The following ANTXR2 variants were observed in gnomAD, a reference collection of about 807,000 sequenced individuals.
ANTXR2 encodes ANTXR cell adhesion molecule 2, also known as anthrax toxin receptor 2.
Under a neutral mutation model 73.7 loss-of-function variants are expected in ANTXR2, and 44 were observed. The observed-to-expected ratio is 0.60, with a 90% CI of 0.47 to 0.77. The LOEUF is 0.77. Among genes scored for constraint, ANTXR2 ranks in the 30% least tolerant of loss-of-function variants. The pLI, the probability that ANTXR2 is intolerant of heterozygous loss-of-function variation, is 0.00. For synonymous variants in ANTXR2, 217 were observed against 205.9 expected, an observed-to-expected ratio of 1.05 and a Z score of -0.46; for missense variants, 604 against 592.5, an observed-to-expected ratio of 1.02 and a Z score of -0.20.
rs1317696862 is a variant in ANTXR2 at position 80,015,901 on chromosome 4, GAAAGGAAAGGAAAGGAAAGGAA to G, written c.945+2975_945+2996del. 5.2e-4 allele frequency among the ~76,000 whole-genome samples: 43 copies of G among 82,240 alleles called. 2 individuals carry two copies. Among genetic ancestry groups the G allele is most frequent in the Non-Finnish European group, 3.5e-4 (16 of 45,590 alleles). The allele number at this position is 82,240 out of a possible 152,430, so 54.0% of individuals were successfully genotyped here. On this transcript the variant is annotated intron_variant, in intron 11 of 16. Coordinates refer to ENST00000403729, the MANE Select transcript of ANTXR2 (RefSeq NM_058172.6). ...GAAAGGAAAGGAAAGGAAAGGAAAG[GAAAGGAAAGGAAAGGAAAGGAA>G]AAAGGAAAGGAAAGGAAAGGAAAGG...
At chr4:79,916,086 T>A (rs1489897758) in intron 16 of ANTXR2, among the ~76,000 whole-genome samples, 1 of 151,968 alleles carries the variant, frequency 6.6e-6, no homozygotes, top group African/African-American at 2.4e-5. Flanking sequence ...ATGTTTTTTA[T>A]TCAGTATCTT....
At chr4:80,064,951 A>G (rs1008274744) in intron 3 of ANTXR2, among the ~76,000 whole-genome samples, 1 of 152,202 alleles carries the variant, frequency 6.6e-6, no homozygotes, top group Non-Finnish European at 1.5e-5. Context: ...AGATTATTGT[A>G]GCCAATATAC....
At chr4:80,062,008 T>G (rs928044447) in intron 3 of ANTXR2, among the ~76,000 whole-genome samples, 1 of 152,196 alleles carries the variant, frequency 6.6e-6, no homozygotes, top group Non-Finnish European at 1.5e-5. Context: ...TGAAAGATTT[T>G]TTCTAAAGAC....
At position 79,978,171 on chromosome 4, in the gene ANTXR2, G is replaced by A. The variant is rs761958936; in HGVS notation, c.1183C>T (p.Arg395Cys). The A allele has an allele frequency of 2.2e-5, 35 of 1,613,422 alleles. No individual in the cohort carries two copies. The highest frequency in any genetic ancestry group is 2.7e-5 in the Non-Finnish European group (32 of 1,179,644). ...TCAGTAGATCCTTTATCACCCCAAC[G>A]AACCTGTAAAACAAAGGGAGAGTAC... The part of the protein sequence containing the change: ...GVGGIKRMEV[R>C]WGDKGSTEEG... The change falls in exon 15 of 17, where the codon CGT (arginine) becomes TGT (cysteine). Residue 395 changes from arginine to cysteine, a missense_variant. Coordinates refer to ENST00000403729, the MANE Select transcript of ANTXR2 (RefSeq NM_058172.6).
At chr4:80,040,779 CACAT>C (rs1459636773) in intron 7 of ANTXR2, among the ~76,000 whole-genome samples, 3 of 151,748 alleles carry the variant, frequency 2.0e-5, no homozygotes, top group Non-Finnish European at 2.9e-5. Flanking sequence ...CACACACACA[CACAT>C]ATTGGCAAAG....
At chr4:79,975,972 G>C (rs1419511256) in intron 16 of ANTXR2, among the ~76,000 whole-genome samples, 1 of 149,374 alleles carries the variant, frequency 6.7e-6, no homozygotes, top group Non-Finnish European at 1.5e-5. Context: ...GAGTGCAGTG[G>C]CAAGATCTCG....
chr4:79,922,739 C>T (rs1294285916), intron 16 of ANTXR2, among the ~76,000 whole-genome samples: 1 of 151,948 alleles, frequency 6.6e-6, no homozygotes, highest in African/African-American at 2.4e-5. Context: ...TTTAGGTCTA[C>T]CTACAAGTCA....
intron 3 of ANTXR2, among the ~76,000 whole-genome samples, chr4:80,065,156 C>G (rs1734437282): frequency 6.6e-6 from 1 of 152,174 alleles, no homozygotes; most frequent in South Asian, 2.1e-4. Context: ...ATGTTTTCAA[C>G]TAAATCTCTG....
At chr4:80,018,352 C>T (rs1731983042) in intron 11 of ANTXR2, among the ~76,000 whole-genome samples, 1 of 152,104 alleles carries the variant, frequency 6.6e-6, no homozygotes, top group Non-Finnish European at 1.5e-5. Flanking sequence ...TTTCAAAATA[C>T]TGCATTTAGG....
In ANTXR2 at chr4:80,072,796, A is replaced by C; in HGVS notation, c.-236T>G. Reference sequence around the variant, plus strand: ...CAGCTGCCGCCGGAACTCTTGACGAATCCCAGTGGAAGCGCGATCCAGTCC... The same window carrying C: ...CAGCTGCCGCCGGAACTCTTGACGACTCCCAGTGGAAGCGCGATCCAGTCC... On this transcript the variant is annotated 5_prime_UTR_variant, in exon 1 of 17. Coordinates refer to ENST00000403729, the MANE Select transcript of ANTXR2 (RefSeq NM_058172.6). The C allele has an allele frequency of 9.1e-7, 1 of 1,100,020 alleles. No homozygotes were observed. The highest frequency in any genetic ancestry group is 1.2e-6 in the Non-Finnish European group (1 of 855,934). 68.1% of individuals were successfully genotyped at this position (1,100,020 alleles called of 1,614,324 possible).
At chr4:79,948,325 A>C (rs1276477455) in intron 16 of ANTXR2, among the ~76,000 whole-genome samples, 1 of 152,170 alleles carries the variant, frequency 6.6e-6, no homozygotes, top group Admixed American at 6.6e-5. Context: ...AAAACCAATA[A>C]GCACGTAAAT....
intron 3 of ANTXR2, among the ~76,000 whole-genome samples, chr4:80,057,298 G>A (rs570779152): frequency 2.3e-4 from 35 of 152,016 alleles, no homozygotes; most frequent in African/African-American, 7.5e-4. Flanking sequence ...GTGTGTATAC[G>A]TTTATATCAC....
intron 7 of ANTXR2, among the ~76,000 whole-genome samples, chr4:80,040,449 A>G (rs143232802): frequency 1.1e-3 from 174 of 152,228 alleles, no homozygotes; most frequent in African/African-American, 3.9e-3. Flanking sequence ...CCCATCCACA[A>G]TAAATGGCAA....
intron 16 of ANTXR2, among the ~76,000 whole-genome samples, chr4:79,924,062 G>C (rs1727690638): frequency 6.6e-6 from 1 of 152,060 alleles, no homozygotes; most frequent in African/African-American, 2.4e-5. Context: ...CATAATGCTG[G>C]GGTTTGGGCT....
chr4:80,006,802 A>G (rs1046885306), intron 12 of ANTXR2, among the ~76,000 whole-genome samples: 7 of 152,108 alleles, frequency 4.6e-5, no homozygotes, highest in Non-Finnish European at 1.0e-4. Flanking sequence ...ATACACTTTG[A>G]CACTTCTGAG....
chr4:80,049,891 T>C (rs1001005455), intron 7 of ANTXR2, among the ~76,000 whole-genome samples: 17 of 151,788 alleles, frequency 1.1e-4, no homozygotes, highest in African/African-American at 3.9e-4. Flanking sequence ...ATATTTGCCA[T>C]GTCTCTCGGA....
chr4:80,033,684 G>A (rs917178151), intron 8 of ANTXR2, 114 bp from the exon 9 acceptor site: 5 of 728,050 alleles, frequency 6.9e-6, no homozygotes, highest in Non-Finnish European at 6.6e-6. Flanking sequence ...ATACTATTCA[G>A]TTAACTAATA....
chr4:80,020,501 A>G (rs1732107635), intron 10 of ANTXR2, among the ~76,000 whole-genome samples: 1 of 152,236 alleles, frequency 6.6e-6, no homozygotes, highest in Non-Finnish European at 1.5e-5. Flanking sequence ...ATGCTATCCT[A>G]GGCATTTTAT....
intron 11 of ANTXR2, among the ~76,000 whole-genome samples, chr4:80,010,600 C>T (rs1020119234): frequency 1.4e-4 from 21 of 152,102 alleles, no homozygotes; most frequent in African/African-American, 4.6e-4. Flanking sequence ...CAACTAGAGG[C>T]CATGAAACTG....
Sources: gnomAD v4.1 joint callset for allele counts (sites outside exome capture counted in the v4.1 genomes callset) on GRCh38, gnomAD v4.1.1 for gene constraint, MANE v1.5 for transcripts, NCBI Gene and HGNC (gene_info 2026-07-23, HGNC 2026-07-21) for gene names.